The following RPS6KA2 variants were observed in gnomAD, a reference collection of about 807,000 sequenced individuals.
RPS6KA2 encodes the protein ribosomal protein S6 kinase A2.
In RPS6KA2, 42 loss-of-function variants were observed where a neutral mutation model predicts 91.8. The ratio of observed to expected loss-of-function variants is 0.46; its 90% CI spans 0.36 to 0.59. RPS6KA2 has a LOEUF of 0.59. Among genes scored for constraint, RPS6KA2 ranks in the 20% least tolerant of loss-of-function variants. The pLI is 0.00. For synonymous variants in RPS6KA2, 414 were observed against 393.6 expected, an observed-to-expected ratio of 1.05 and a Z score of -0.61; for missense variants, 798 against 978.5, an observed-to-expected ratio of 0.82 and a Z score of 2.46.
intron 2 of RPS6KA2, among the ~76,000 whole-genome samples, chr6:166,532,851 G>C (rs1257348817): frequency 6.6e-6 from 1 of 152,168 alleles, no homozygotes; most frequent in Admixed American, 6.5e-5. Context: ...GAGAGTGTGT[G>C]TGTGTGTGTG....
At chr6:166,579,359 G>T (rs35872353) in intron 1 of RPS6KA2, among the ~76,000 whole-genome samples, 10 of 152,154 alleles carry the variant, frequency 6.6e-5, no homozygotes, top group African/African-American at 1.9e-4. Context: ...TTGGCTGCTC[G>T]GGCCCTTCCT....
In RPS6KA2 at chr6:166,412,592, C is replaced by G; in HGVS notation, c.*170G>C. 3.2e-6 allele frequency: 2 copies of G among 626,408 alleles called. No individual in the cohort carries two copies. Among genetic ancestry groups the G allele is most frequent in the Non-Finnish European group, 5.2e-6 (2 of 384,526 alleles). 38.8% of individuals were successfully genotyped at this position (626,408 alleles called of 1,614,324 possible). On this transcript the variant is annotated 3_prime_UTR_variant, in exon 21 of 21. Coordinates refer to ENST00000265678, the MANE Select transcript of RPS6KA2 (RefSeq NM_021135.6). The surrounding 1 kb of genome is among the most constrained non-coding windows in gnomAD (Gnocchi z 4.3). ...GCGCAGTGAGGCTTGGAGAAGCCCC[C>G]AGGTCAGGACCCTCTCCGGGGCTGA...
chr6:166,625,034 A>G (rs1477584308), intron 1 of RPS6KA2, among the ~76,000 whole-genome samples: 1 of 152,036 alleles, frequency 6.6e-6, no homozygotes, highest in Non-Finnish European at 1.5e-5. Flanking sequence ...GGGTTTCTCC[A>G]TGTTGGCCAG....
chr6:166,560,408 A>G (rs184354236), intron 1 of RPS6KA2, among the ~76,000 whole-genome samples: 584 of 152,352 alleles, frequency 3.8e-3, no homozygotes, highest in South Asian at 0.015. Context: ...ATGAAGATAA[A>G]TTATCATTCC....
At chr6:166,831,434 C>A (rs543075547) in intron 2 of RPS6KA2, among the ~76,000 whole-genome samples, 22 of 152,020 alleles carry the variant, frequency 1.4e-4, no homozygotes, top group Non-Finnish European at 3.1e-4. Flanking sequence ...TATTTCTACA[C>A]CAGCATGACA....
intron 2 of RPS6KA2, among the ~76,000 whole-genome samples, chr6:166,781,564 G>A (rs1778774267): frequency 6.6e-6 from 1 of 152,182 alleles, no homozygotes; most frequent in African/African-American, 2.4e-5. Context: ...CTGCATGCAT[G>A]CACCTAAGTT....
In RPS6KA2 at chr6:166,770,374, C is replaced by T. The variant is rs563331201; in HGVS notation, c.123+87826G>A. Among the ~76,000 whole-genome samples the T allele has an allele frequency of 6.4e-4, 97 of 152,346 alleles. No homozygotes were observed. Among genetic ancestry groups the T allele is most frequent in the African/African-American group, 2.1e-3 (87 of 41,578 alleles). On this transcript the variant is annotated intron_variant, in intron 2 of 21. Transcript: ENST00000503859. This position sits in a 1 kb window ranked among gnomAD's most constrained non-coding sequence, Gnocchi z 5.1. The stretch of plus-strand genomic sequence containing the variant: ...AAAAGCTGTTGCTGAGCCACACGCA[C>T]TAGAGTCTGGAGGCTGGTCGGCCAC...
At chr6:166,788,671 C>T (rs1019502408) in intron 2 of RPS6KA2, among the ~76,000 whole-genome samples, 1 of 152,096 alleles carries the variant, frequency 6.6e-6, no homozygotes, top group African/African-American at 2.4e-5. Flanking sequence ...GAACATCACA[C>T]ACCGGGGCCT....
intron 6 of RPS6KA2, 96 bp from the exon 7 acceptor site, chr6:166,501,020 G>T: frequency 8.4e-7 from 1 of 1,189,752 alleles, no homozygotes; most frequent in Admixed American, 1.9e-5. Context: ...GCAGCTGGGG[G>T]CGGACGTTTT....
rs188466894 is a variant in RPS6KA2 at position 166,459,400 on chromosome 6, G to T, written c.1075+49C>A. On this transcript the variant is annotated intron_variant, in intron 12 of 20. Transcript: ENST00000265678. This position sits in a 1 kb window ranked among gnomAD's most constrained non-coding sequence, Gnocchi z 4.9. Reference sequence around the variant, plus strand: ...TTGTTCCTAGATATCTGTCTCTAAGGGGTCAGGTGGGAGAAGCCACCGATA... The same window carrying T: ...TTGTTCCTAGATATCTGTCTCTAAGTGGTCAGGTGGGAGAAGCCACCGATA... 1.2e-4 allele frequency: 137 copies of T among 1,115,872 alleles called. 2 individuals carry two copies. In the African/African-American group the frequency reaches 1.8e-3, roughly 15 times the overall value. The allele number at this position is 1,115,872 out of a possible 1,614,324, so 69.1% of individuals were successfully genotyped here.
intron 2 of RPS6KA2, among the ~76,000 whole-genome samples, chr6:166,536,220 G>A (rs75547101): frequency 0.043 from 6,539 of 152,356 alleles, 194 homozygotes; most frequent in Non-Finnish European, 0.064. Context: ...GGGACACTGC[G>A]TCCAGATTCA....
chr6:166,487,059 G>A (rs533820253), intron 10 of RPS6KA2, among the ~76,000 whole-genome samples: 5 of 152,324 alleles, frequency 3.3e-5, no homozygotes, highest in Non-Finnish European at 7.4e-5. Flanking sequence ...TCAGGTCTTT[G>A]TTAAACAGGA....
chr6:166,682,393 G>A (rs574269063), intron 2 of RPS6KA2, among the ~76,000 whole-genome samples: 120 of 152,336 alleles, frequency 7.9e-4, no homozygotes, highest in African/African-American at 2.8e-3. Context: ...GAGCCATGGG[G>A]AGTGTCTTTT....
At chr6:166,701,780 C>T (rs545884935) in intron 2 of RPS6KA2, 46 of 1,023,018 alleles carry the variant, frequency 4.5e-5, no homozygotes, top group East Asian at 4.0e-4. Context: ...ATTTTCCTAA[C>T]GCTCCCTGAT....
At position 166,538,658 on chromosome 6, in the gene RPS6KA2, C is replaced by T. The variant is rs752862925; in HGVS notation, c.216+10G>A. ...AATGAGACTCAAGAGACAGCCAGGG[C>T]TGAACTTACCTTTCCATAGGATCCT... On this transcript the variant is annotated intron_variant, in intron 2 of 20. Coordinates refer to ENST00000265678, the MANE Select transcript of RPS6KA2 (RefSeq NM_021135.6). The T allele has an allele frequency of 2.7e-6, 4 of 1,477,176 alleles. No individual in the cohort carries two copies. The highest frequency in any genetic ancestry group is 3.8e-6 in the Non-Finnish European group (4 of 1,055,772). 91.5% of individuals were successfully genotyped at this position (1,477,176 alleles called of 1,614,324 possible).
chr6:166,701,189 C>T, intron 2 of RPS6KA2: 1 of 1,612,178 alleles, frequency 6.2e-7, no homozygotes, highest in Middle Eastern at 2.3e-4. Context: ...TTTCTCTGGG[C>T]AACCTGGCAA....
intron 2 of RPS6KA2, among the ~76,000 whole-genome samples, chr6:166,640,946 G>T (rs1003351242): frequency 1.4e-4 from 22 of 152,146 alleles, no homozygotes; most frequent in Non-Finnish European, 2.9e-4. Flanking sequence ...GGTAAAAACT[G>T]CCCTCTCAGA....
At chr6:166,592,236 T>C (rs1020733630) in intron 1 of RPS6KA2, among the ~76,000 whole-genome samples, 1 of 152,208 alleles carries the variant, frequency 6.6e-6, no homozygotes, top group Admixed American at 6.5e-5. Context: ...TAATGAATTC[T>C]CTGCTCTATG....
At chr6:166,663,646 A>G (rs1326726527) in intron 2 of RPS6KA2, among the ~76,000 whole-genome samples, 3 of 152,188 alleles carry the variant, frequency 2.0e-5, no homozygotes, top group East Asian at 3.8e-4. Context: ...CTCTAAGAAC[A>G]TGCAACAGGG....
Sources: gnomAD v4.1 joint callset for allele counts (sites outside exome capture counted in the v4.1 genomes callset) on GRCh38, gnomAD v4.1.1 for gene constraint, Gnocchi (gnomAD v3.1) non-coding constraint, MANE v1.5 for transcripts, NCBI Gene and HGNC (gene_info 2026-07-23, HGNC 2026-07-21) for gene names.